The following CAST variants were observed in gnomAD, a reference collection of about 807,000 sequenced individuals.
CAST encodes MIR583 host.
CAST carries 76 observed loss-of-function variants against 119.6 expected under a neutral mutation model. That is an observed-to-expected ratio of 0.64 (90% confidence interval 0.53 to 0.77). The LOEUF is 0.77. Ranked by LOEUF, CAST falls within the 30% of genes least tolerant of loss-of-function variation. The pLI, the probability that CAST is intolerant of heterozygous loss-of-function variation, is 0.00. For synonymous variants in CAST, 319 were observed against 331.6 expected (o/e 0.96, Z 0.41); for missense variants, 953 against 946.5 (o/e 1.01, Z -0.09).
chr5:96,522,771 T>G (rs1745538550), upstream of CAST, among the ~76,000 whole-genome samples: 1 of 152,134 alleles, frequency 6.6e-6, no homozygotes, highest in Admixed American at 6.5e-5. Flanking sequence ...GCAGACTTGT[T>G]CCACCCGAGA....
At chr5:96,339,565 G>C in the CAST span, among the ~76,000 whole-genome samples, 3 of 152,182 alleles carry the variant, frequency 2.0e-5, no homozygotes, top group Admixed American at 2.0e-4. Flanking sequence ...ATCTAAATTT[G>C]TTTCATTGGA....
chr5:96,682,328 T>C (rs909595062), intron 2 of CAST, among the ~76,000 whole-genome samples: 3 of 152,238 alleles, frequency 2.0e-5, no homozygotes, highest in Non-Finnish European at 2.9e-5. Flanking sequence ...TTCTGCTCTT[T>C]GAAACTTCTA....
At chr5:96,027,540 A>G in the CAST span, among the ~76,000 whole-genome samples, 18 of 152,248 alleles carry the variant, frequency 1.2e-4, no homozygotes, top group Non-Finnish European at 2.6e-4. Context: ...AACAGGAAAT[A>G]TAAAATTTTT....
the CAST span, chr5:96,393,337 C>A: frequency 6.2e-7 from 1 of 1,614,126 alleles, no homozygotes; most frequent in Non-Finnish European, 8.5e-7. Flanking sequence ...GGCTTTTGGA[C>A]ACCAGGGTGT....
upstream of CAST, among the ~76,000 whole-genome samples, chr5:96,525,100 G>C (rs145932249): frequency 4.6e-5 from 7 of 152,310 alleles, no homozygotes; most frequent in African/African-American, 1.7e-4. Flanking sequence ...TTGAGGGCAG[G>C]TCTATTCTGT....
At chr5:96,426,020 A>C in the CAST span, 14 of 755,490 alleles carry the variant, frequency 1.9e-5, no homozygotes, top group Admixed American at 9.9e-5. Flanking sequence ...TTCCCATCAG[A>C]GTTCAGGCAG....
intron 1 of CAST, among the ~76,000 whole-genome samples, chr5:96,598,182 T>C (rs1359210754): frequency 6.6e-6 from 1 of 152,194 alleles, no homozygotes; most frequent in East Asian, 1.9e-4. Flanking sequence ...AAGCTCTGGC[T>C]CCTCTGCCTA....
chr5:96,553,222 T>A (rs1746170687), intron 1 of CAST, among the ~76,000 whole-genome samples: 1 of 152,148 alleles, frequency 6.6e-6, no homozygotes, highest in Non-Finnish European at 1.5e-5. Context: ...CATAATCAAG[T>A]GGGCTTCATC....
the CAST span, among the ~76,000 whole-genome samples, chr5:96,044,952 A>T: frequency 6.6e-6 from 1 of 152,220 alleles, no homozygotes; most frequent in Non-Finnish European, 1.5e-5. Context: ...GAGAGTGGTT[A>T]CCTTTGGGAA....
the CAST span, among the ~76,000 whole-genome samples, chr5:96,034,462 TACACACAC>T: frequency 1.6e-3 from 160 of 101,834 alleles, no homozygotes; most frequent in African/African-American, 4.3e-3. Context: ...GTATATATCA[TACACACAC>T]ACACACACAC....
the CAST span, among the ~76,000 whole-genome samples, chr5:96,474,216 C>T: frequency 1.3e-5 from 2 of 152,056 alleles, no homozygotes; most frequent in East Asian, 3.9e-4. Context: ...CTGCCAGGAA[C>T]GAGGTCCAAA....
At chr5:96,387,043 C>T in the CAST span, among the ~76,000 whole-genome samples, 10 of 152,138 alleles carry the variant, frequency 6.6e-5, no homozygotes, top group Admixed American at 1.3e-4. Context: ...TTAATCCTAA[C>T]AGCAAATGCA....
chr5:96,261,727 T>C, the CAST span, among the ~76,000 whole-genome samples: 1 of 152,246 alleles, frequency 6.6e-6, no homozygotes, highest in East Asian at 1.9e-4. Context: ...GAAATGTTGC[T>C]AGTGGAACAA....
chr5:96,295,542 TG>T, the CAST span, among the ~76,000 whole-genome samples: 1 of 152,196 alleles, frequency 6.6e-6, no homozygotes. Flanking sequence ...CTAACAGAAT[TG>T]GGGTGTATCA....
At position 96,650,332 on chromosome 5, in the gene CAST, A is replaced by G. The variant is rs143238860; in HGVS notation, c.61-25207A>G. Among the ~76,000 whole-genome samples the G allele has an allele frequency of 4.6e-3, 695 of 152,306 alleles. 4 individuals are homozygous for G. The highest frequency in any genetic ancestry group is 0.016 in the African/African-American group (654 of 41,572). On this transcript the variant is annotated intron_variant, in intron 1 of 11. Coordinates refer to the CAST transcript ENST00000505143. The stretch of plus-strand genomic sequence containing the variant: ...CTCAGGTTGAAATGATGATGTCAAC[A>G]ATGAAAGCGTGGGTCACTTGGAAGC...
At chr5:96,293,104 C>T in the CAST span, among the ~76,000 whole-genome samples, 1 of 152,306 alleles carries the variant, frequency 6.6e-6, no homozygotes, top group Non-Finnish European at 1.5e-5. Context: ...TTCCAGTGGC[C>T]TCCATTCACA....
the CAST span, among the ~76,000 whole-genome samples, chr5:96,310,316 A>G: frequency 6.6e-6 from 1 of 152,146 alleles, no homozygotes; most frequent in Non-Finnish European, 1.5e-5. Context: ...TTTAATGTGT[A>G]GTTGAATTTT....
chr5:96,691,790 T>C, intron 2 of CAST, among the ~76,000 whole-genome samples: 1 of 152,218 alleles, frequency 6.6e-6, no homozygotes, highest in East Asian at 1.9e-4. Context: ...GCTATATAAA[T>C]CATAAGATAG....
chr5:96,529,639 A>C (rs1216498082), upstream of CAST, among the ~76,000 whole-genome samples: 2 of 152,096 alleles, frequency 1.3e-5, no homozygotes, highest in African/African-American at 4.8e-5. Context: ...TCTCATCTTT[A>C]TTGTAGTTCC....
Sources: gnomAD v4.1 joint callset for allele counts (sites outside exome capture counted in the v4.1 genomes callset) on GRCh38, gnomAD v4.1.1 for gene constraint, MANE v1.5 for transcripts, NCBI Gene and HGNC (gene_info 2026-07-23, HGNC 2026-07-21) for gene names.